The following GTF2A1L variants were observed in gnomAD, a reference collection of about 807,000 sequenced individuals.
GTF2A1L encodes the protein TFIIA-alpha and beta-like factor.
A neutral mutation model predicts 49.7 loss-of-function variants in GTF2A1L; 48 were observed. The observed-to-expected ratio is 0.97, with a 90% CI of 0.77 to 1.23. GTF2A1L has a LOEUF of 1.23. GTF2A1L is among the 50% of genes most tolerant of loss of function. The probability of loss-of-function intolerance (pLI) is 0.00; values close to 1 mark genes in which losing one functional copy is unlikely to be tolerated. For missense variants in GTF2A1L, 736 were observed against 564.8 expected (o/e 1.30, Z -3.07); for synonymous variants, 246 against 193.5 (o/e 1.27, Z -2.25).
At chr2:48,631,222 T>C (rs1231406786) in intron 3 of GTF2A1L, among the ~76,000 whole-genome samples, 2 of 152,216 alleles carry the variant, frequency 1.3e-5, no homozygotes, top group African/African-American at 2.4e-5. Flanking sequence ...TTTGAACATC[T>C]GGTAGAATTC....
At chr2:48,651,424 A>G (rs1042246535) in intron 6 of GTF2A1L, among the ~76,000 whole-genome samples, 17 of 142,474 alleles carry the variant, frequency 1.2e-4, no homozygotes, top group African/African-American at 4.0e-4. Flanking sequence ...AAGAATTTTT[A>G]TGTTGTGAGT....
chr2:48,665,934 A>G (rs975343881), intron 6 of GTF2A1L, among the ~76,000 whole-genome samples: 6 of 151,894 alleles, frequency 4.0e-5, no homozygotes, highest in African/African-American at 4.8e-5. Flanking sequence ...AGATTTGTCT[A>G]TTTTTTATTT....
In GTF2A1L at chr2:48,678,024, T is replaced by C. The variant is rs935619852; in HGVS notation, c.1330-1311T>C. Among the ~76,000 whole-genome samples, 6 of 151,396 alleles carry C rather than the reference T, an allele frequency of 4.0e-5. No homozygotes were observed. In the South Asian group the frequency reaches 1.2e-3, roughly 31 times the overall value. ...GTGTGTGTGTGTAATACACAGTCTT[T>C]AATATTTTTTCTGGAGTTTTAAAAA... On this transcript the variant is annotated intron_variant, in intron 8 of 8. Coordinates refer to ENST00000403751, the MANE Select transcript of GTF2A1L (RefSeq NM_006872.5).
intron 1 of GTF2A1L, among the ~76,000 whole-genome samples, chr2:48,618,318 A>G (rs916519010): frequency 2.0e-5 from 3 of 152,070 alleles, no homozygotes; most frequent in African/African-American, 7.2e-5. Context: ...TTACCTCCCC[A>G]CATGTTTTTA....
At chr2:48,668,283 A>G (rs896562172) in intron 6 of GTF2A1L, among the ~76,000 whole-genome samples, 5 of 152,178 alleles carry the variant, frequency 3.3e-5, no homozygotes, top group African/African-American at 1.2e-4. Context: ...CCTGTTGCTT[A>G]TGTAATATGT....
chr2:48,623,829 A>C (rs563494185), intron 3 of GTF2A1L, among the ~76,000 whole-genome samples: 1 of 152,350 alleles, frequency 6.6e-6, no homozygotes, highest in East Asian at 1.9e-4. Context: ...CATATATTGC[A>C]TGTTCTCACT....
At chr2:48,618,992 C>G (rs1023688218) in intron 1 of GTF2A1L, among the ~76,000 whole-genome samples, 1 of 152,192 alleles carries the variant, frequency 6.6e-6, no homozygotes, top group African/African-American at 2.4e-5. Flanking sequence ...GGGACTACCA[C>G]TGAAGCATCA....
At chr2:48,665,485 T>C (rs1678790286) in intron 6 of GTF2A1L, among the ~76,000 whole-genome samples, 1 of 152,096 alleles carries the variant, frequency 6.6e-6, no homozygotes, top group Non-Finnish European at 1.5e-5. Flanking sequence ...TAGGCACTGC[T>C]TTGGGTACAT....
chr2:48,619,365 G>A (rs1208125032), intron 1 of GTF2A1L, among the ~76,000 whole-genome samples: 2 of 151,866 alleles, frequency 1.3e-5, no homozygotes, highest in African/African-American at 4.8e-5. Context: ...AGCTACTCTG[G>A]ATGCTGAGAC....
chr2:48,620,622 C>G lies in GTF2A1L; in HGVS notation c.22-229C>G, dbSNP rs560807438. 1.4e-4 allele frequency among the ~76,000 whole-genome samples: 21 copies of G among 152,072 alleles called. 1 individual carries two copies. In the South Asian group the frequency reaches 4.4e-3, roughly 32 times the overall value. On this transcript the variant is annotated intron_variant, in intron 1 of 8. Coordinates refer to ENST00000403751, the MANE Select transcript of GTF2A1L (RefSeq NM_006872.5). ...GTGAAACCCTGTCTCTCTAAAAATA[C>G]AAAAATTAGCGGGGCATGGTGGCAT...
At position 48,679,494 on chromosome 2, in the gene GTF2A1L, C is replaced by T. The variant is rs768357501; in HGVS notation, c.*52C>T. 46 of 1,597,284 alleles carry T rather than the reference C, an allele frequency of 2.9e-5. 1 individual carries two copies. The highest frequency in any genetic ancestry group is 1.7e-4 in the Middle Eastern group (1 of 6,008). ...TGTGAACATCAGTTGGATTATATTG[C>T]ATATTGTGAATTCATTTTTATTTTG... On this transcript the variant is annotated 3_prime_UTR_variant, in exon 9 of 9. Coordinates refer to ENST00000403751, the MANE Select transcript of GTF2A1L (RefSeq NM_006872.5).
chr2:48,637,150 T>C (rs1265224596), intron 3 of GTF2A1L, among the ~76,000 whole-genome samples: 4 of 152,202 alleles, frequency 2.6e-5, no homozygotes, highest in Non-Finnish European at 1.5e-5. Flanking sequence ...TTTATGCTAA[T>C]GCGTATTCAC....
At chr2:48,642,983 AGTT>A (rs1289754801) in intron 4 of GTF2A1L, among the ~76,000 whole-genome samples, 13 of 152,228 alleles carry the variant, frequency 8.5e-5, no homozygotes, top group Non-Finnish European at 1.6e-4. Context: ...CTTTCAGAGC[AGTT>A]GTTAGCATCT....
chr2:48,672,800 C>A (rs527514606), intron 8 of GTF2A1L, among the ~76,000 whole-genome samples: 1 of 152,188 alleles, frequency 6.6e-6, no homozygotes, highest in South Asian at 2.1e-4. Context: ...GTATACAATT[C>A]GCCTATTTAA....
chr2:48,647,456 C>G (rs149618692), intron 6 of GTF2A1L, among the ~76,000 whole-genome samples: 48 of 152,216 alleles, frequency 3.2e-4, no homozygotes, highest in African/African-American at 1.1e-3. Context: ...TTACCAGTCT[C>G]TTATACTGGG....
At chr2:48,621,005 T>C (rs890077162) in intron 2 of GTF2A1L, 53 bp downstream of exon 2, 5 of 1,564,692 alleles carry the variant, frequency 3.2e-6, no homozygotes, top group East Asian at 2.3e-5. Context: ...TTTTTCAGCA[T>C]ACAAAACTGA....
At chr2:48,678,623 T>A (rs1572790523) in intron 8 of GTF2A1L, among the ~76,000 whole-genome samples, 1 of 152,190 alleles carries the variant, frequency 6.6e-6, no homozygotes, top group African/African-American at 2.4e-5. Flanking sequence ...TATTAAAATT[T>A]CTTATTTTTT....
chr2:48,647,191 T>A, intron 6 of GTF2A1L, 149 bp downstream of exon 6: 2 of 745,794 alleles, frequency 2.7e-6, no homozygotes, highest in Non-Finnish European at 2.0e-6. Flanking sequence ...TCTAGTGATT[T>A]AAAAAAATTT....
At chr2:48,667,133 A>C (rs1021821314) in intron 6 of GTF2A1L, among the ~76,000 whole-genome samples, 1 of 114,022 alleles carries the variant, frequency 8.8e-6, no homozygotes, top group Non-Finnish European at 1.9e-5. Flanking sequence ...TTTTTTTTGT[A>C]TTTTTTGTAG....
Sources: allele counts gnomAD v4.1 joint callset (sites outside exome capture counted in the v4.1 genomes callset), GRCh38; gene constraint gnomAD v4.1.1; transcripts MANE v1.5; gene names NCBI Gene and HGNC (gene_info 2026-07-23, HGNC 2026-07-21).